RABGAP1L: variants seen among roughly 807,000 people sequenced by gnomAD.
The protein encoded by RABGAP1L is rab GTPase-activating protein 1-like.
In RABGAP1L, 63 loss-of-function variants were observed where a neutral mutation model predicts 137.7. The ratio of observed to expected loss-of-function variants is 0.46; its 90% CI spans 0.37 to 0.56. The LOEUF (loss-of-function observed/expected upper bound fraction) is 0.56. Among genes scored for constraint, RABGAP1L ranks in the 20% least tolerant of loss-of-function variants. The pLI is 0.00. For synonymous variants in RABGAP1L, 431 were observed against 433.7 expected (o/e 0.99, Z 0.08); for missense variants, 1,095 against 1,244.0 (o/e 0.88, Z 1.80).
At chr1:174,174,717 C>G (rs1349720936) in intron 1 of RABGAP1L, among the ~76,000 whole-genome samples, 1 of 152,168 alleles carries the variant, frequency 6.6e-6, no homozygotes, top group African/African-American at 2.4e-5. Flanking sequence ...GTTCTGAGGT[C>G]AGAGGGCAAG....
chr1:174,780,643 T>C (rs1429035679), intron 18 of RABGAP1L, among the ~76,000 whole-genome samples: 2 of 151,852 alleles, frequency 1.3e-5, no homozygotes, highest in African/African-American at 2.4e-5. Context: ...TATGTATACA[T>C]GTGCCATGTT....
At chr1:174,800,012 A>C (rs1688606311) in intron 18 of RABGAP1L, 1 of 1,126,440 alleles carries the variant, frequency 8.9e-7, no homozygotes, top group African/African-American at 1.6e-5. Context: ...GACCCTTCTA[A>C]GCAGCTTGTC....
At chr1:174,488,117 T>A (rs1196082607) in intron 13 of RABGAP1L, among the ~76,000 whole-genome samples, 2 of 152,148 alleles carry the variant, frequency 1.3e-5, no homozygotes, top group African/African-American at 4.8e-5. Context: ...TATTTACTGT[T>A]ACTAGTGAGT....
intron 14 of RABGAP1L, among the ~76,000 whole-genome samples, chr1:174,677,371 G>T (rs1003547921): frequency 1.3e-5 from 2 of 152,098 alleles, no homozygotes; most frequent in African/African-American, 4.8e-5. Context: ...AACAACTCAA[G>T]GATTAATTAG....
intron 18 of RABGAP1L, among the ~76,000 whole-genome samples, chr1:174,762,427 A>T (rs1291349348): frequency 1.3e-5 from 2 of 152,180 alleles, no homozygotes; most frequent in Non-Finnish European, 2.9e-5. Flanking sequence ...CTCTTCAATA[A>T]GCTAATTTCC....
At chr1:174,505,537 G>A (rs1174442652) in intron 13 of RABGAP1L, among the ~76,000 whole-genome samples, 1 of 151,746 alleles carries the variant, frequency 6.6e-6, no homozygotes, top group African/African-American at 2.4e-5. Context: ...ATAAACACAG[G>A]AAGTTGTATA....
At chr1:174,284,734 CTTTTTTT>C (rs59344382) in intron 10 of RABGAP1L, among the ~76,000 whole-genome samples, 45 of 42,614 alleles carry the variant, frequency 1.1e-3, no homozygotes, top group African/African-American at 3.5e-3. Flanking sequence ...TATTTCTTGT[CTTTTTTT>C]TTTTTTTTTT....
chr1:174,765,433 G>T (rs1016950218), intron 18 of RABGAP1L, among the ~76,000 whole-genome samples: 6 of 152,008 alleles, frequency 3.9e-5, no homozygotes, highest in African/African-American at 1.4e-4. Context: ...TTGTTGAGTT[G>T]TAACAGATAT....
At chr1:174,792,389 AG>A (rs35178921) in intron 18 of RABGAP1L, among the ~76,000 whole-genome samples, 2 of 152,256 alleles carry the variant, frequency 1.3e-5, no homozygotes, top group African/African-American at 4.8e-5. Flanking sequence ...AGTTTGCAGC[AG>A]GGATGATTAG....
intron 19 of RABGAP1L, among the ~76,000 whole-genome samples, chr1:174,846,255 T>G (rs1694037142): frequency 1.4e-5 from 2 of 143,604 alleles, no homozygotes; most frequent in South Asian, 4.7e-4. Flanking sequence ...TAGTTATTTC[T>G]TGCCTTCTGC....
At position 174,665,414 on chromosome 1, in the gene RABGAP1L, T is replaced by C. The variant is rs1466246258; in HGVS notation, c.1825-18108T>C. Among the ~76,000 whole-genome samples the C allele has an allele frequency of 2.6e-5, 4 of 151,784 alleles. No homozygotes were observed. In the East Asian group the frequency reaches 7.7e-4, roughly 29 times the overall value. ...CTTTCTTTCTTTTCTTTTCCTTTCT[T>C]GTCTGCCTCGCCTCGCCCCGCCCCG... On this transcript the variant is annotated intron_variant, in intron 14 of 25. Coordinates refer to ENST00000681986, the MANE Select transcript of RABGAP1L (RefSeq NM_001366446.1).
intron 13 of RABGAP1L, among the ~76,000 whole-genome samples, chr1:174,621,148 G>T (rs146520491): frequency 0.12 from 18,005 of 152,152 alleles, 1,405 homozygotes; most frequent in South Asian, 0.17. Flanking sequence ...ACTTACAAGG[G>T]ACATGAAGGA....
At chr1:174,603,388 C>A (rs962176714) in intron 13 of RABGAP1L, among the ~76,000 whole-genome samples, 2 of 152,148 alleles carry the variant, frequency 1.3e-5, no homozygotes, top group East Asian at 1.9e-4. Context: ...ATCACTTGGA[C>A]TGTGGTGAGT....
chr1:174,826,282 A>AG (rs1002692462), intron 19 of RABGAP1L, among the ~76,000 whole-genome samples: 19 of 151,950 alleles, frequency 1.3e-4, no homozygotes. Flanking sequence ...CCCAGGCTGG[A>AG]GTGCAATGGT....
intron 13 of RABGAP1L, among the ~76,000 whole-genome samples, chr1:174,572,408 G>T (rs1237883973): frequency 1.3e-5 from 2 of 150,272 alleles, no homozygotes; most frequent in Non-Finnish European, 3.0e-5. Flanking sequence ...TTGTTTTGAC[G>T]GAGTCTTGCT....
intron 2 of RABGAP1L, chr1:174,220,718 A>G (rs1279945302): frequency 3.8e-6 from 1 of 263,458 alleles, no homozygotes; most frequent in Non-Finnish European, 7.0e-6. Context: ...ATAGGATCTT[A>G]TATAAAATGT....
chr1:174,349,625 G>T (rs1376911100), intron 11 of RABGAP1L, among the ~76,000 whole-genome samples: 4 of 136,070 alleles, frequency 2.9e-5, no homozygotes, highest in African/African-American at 8.0e-5. Flanking sequence ...GCGGCTGGCC[G>T]GGTGGGGGGC....
chr1:174,787,594 G>A (rs1687549300), intron 18 of RABGAP1L, among the ~76,000 whole-genome samples: 1 of 152,198 alleles, frequency 6.6e-6, no homozygotes, highest in African/African-American at 2.4e-5. Context: ...CAAGGTGACA[G>A]ATGCAATTGG....
chr1:174,272,348 A>C (rs891637076), intron 7 of RABGAP1L, 66 bp from the exon 8 acceptor site: 16 of 1,522,428 alleles, frequency 1.1e-5, no homozygotes, highest in Non-Finnish European at 1.4e-5. Context: ...AAAAGGCTTT[A>C]TGCTCACTGG....
Sources: gnomAD v4.1 joint callset for allele counts (sites outside exome capture counted in the v4.1 genomes callset) on GRCh38, gnomAD v4.1.1 for gene constraint, MANE v1.5 for transcripts, NCBI Gene and HGNC (gene_info 2026-07-23, HGNC 2026-07-21) for gene names.